The following DSC2 variants were observed in gnomAD, a reference collection of about 807,000 sequenced individuals.
DSC2 encodes the protein desmocollin-2.
A neutral mutation model predicts 87.6 loss-of-function variants in DSC2; 51 were observed. That is an observed-to-expected ratio of 0.58 (90% confidence interval 0.46 to 0.74). DSC2 has a LOEUF of 0.74. Among genes scored for constraint, DSC2 ranks in the 30% least tolerant of loss-of-function variants. The pLI is 0.00. For missense variants in DSC2, 1,066 were observed against 1,089.5 expected (o/e 0.98, Z 0.30); for synonymous variants, 383 against 393.2 (o/e 0.97, Z 0.31).
At chr18:31,091,003 A>G in intron 4 of DSC2, 25 bp downstream of exon 4, 1 of 1,613,930 alleles carries the variant, frequency 6.2e-7, no homozygotes, top group Non-Finnish European at 8.5e-7. Context: ...ATAGACTCCC[A>G]CAGCAGAAAG....
chr18:31,067,889 G>C lies in DSC2; in HGVS notation c.*126C>G. The C allele has an allele frequency of 1.2e-6, 1 of 859,646 alleles. No homozygotes were observed. The allele number at this position is 859,646 out of a possible 1,614,324, so 53.3% of individuals were successfully genotyped here. ...CTGTAAATGTGCATTTGACCAAAGAGATTCCATCCAAATAATGAGAGAAAA... is the reference window on the plus strand; with the variant it reads ...CTGTAAATGTGCATTTGACCAAAGACATTCCATCCAAATAATGAGAGAAAA... On this transcript the variant is annotated 3_prime_UTR_variant, in exon 16 of 16. Transcript: ENST00000280904.
rs1454539218 is a variant in DSC2, at chr18:31,086,686, T to C, written c.832A>G (p.Thr278Ala). The C allele has an allele frequency of 3.7e-6, 6 of 1,614,044 alleles. No homozygotes were observed. The African/African-American group carries it at 8.0e-5, about 22-fold the overall frequency. Reference sequence around the variant, plus strand: ...CCAATGATGGAGTACTTCAGGCGTGTGTGCATCGTGTCAGGCTCATCTTTG... The same window carrying C: ...CCAATGATGGAGTACTTCAGGCGTGCGTGCATCGTGTCAGGCTCATCTTTG... ...TDKDEPDTMH[T>A]RLKYSIIGQV... The change falls in exon 7 of 16, where the codon ACA (threonine) becomes GCA (alanine). Residue 278 changes from threonine (T) to alanine (A), a missense_variant. Physicochemically the swap from Thr to Ala is moderately conservative, Grantham distance 58. Coordinates refer to ENST00000280904, the MANE Select transcript of DSC2 (RefSeq NM_024422.6).
intron 15 of DSC2, 57 bp from the exon 16 acceptor site, chr18:31,068,269 A>G: frequency 6.2e-7 from 1 of 1,612,778 alleles, no homozygotes. Context: ...ACCAAAATTT[A>G]CTAACATAAA....
rs1157312147 is a variant in DSC2, at chr18:31,083,038, T to C, written c.965A>G (p.Lys322Arg). 7.4e-6 allele frequency: 12 copies of C among 1,612,532 alleles called. No homozygotes were observed. The highest frequency in any genetic ancestry group is 1.0e-5 in the Non-Finnish European group (12 of 1,179,574). Residue 322 changes from lysine (K) to arginine (R), a missense_variant, in exon 8 of 16, where the codon AAA (lysine) becomes AGA (arginine). By Grantham distance (26) the Lys-to-Arg change is conservative. Coordinates refer to ENST00000280904, the MANE Select transcript of DSC2 (RefSeq NM_024422.6). ...DRELIDKYQLKIKVQDMDGQY... is the reference protein window; with the variant it reads ...DRELIDKYQLRIKVQDMDGQY... ...ACCATCCATGTCTTGTACTTTTATT[T>C]TCAACTGGTACTTGTCAATTAACTG...
intron 7 of DSC2, 72 bp from the exon 8 acceptor site, chr18:31,083,132 C>T: frequency 1.3e-6 from 2 of 1,539,920 alleles, no homozygotes; most frequent in Non-Finnish European, 1.8e-6. Context: ...ACTTTACACT[C>T]CATAATTTTT....
At chr18:31,068,847 T>C (rs763686542) in intron 15 of DSC2, 47 bp downstream of exon 15, 4 of 1,608,780 alleles carry the variant, frequency 2.5e-6, no homozygotes, top group Non-Finnish European at 3.4e-6. Flanking sequence ...ATTTATAAAG[T>C]TTAAAGAAAA....
At position 31,065,464 on chromosome 18, in the gene DSC2, T is replaced by C. The variant is rs1427423423; in HGVS notation, c.*2551A>G. On this transcript the variant is annotated 3_prime_UTR_variant, in exon 16 of 16. Transcript: ENST00000280904. ...CCCTCCTCAGTACAGGTCCTATAAG[T>C]AAGGAAACTAAGCACAGAAAGCTTA... 6.6e-6 allele frequency: 1 copy of C among 152,184 alleles called. No individual in the cohort carries two copies. The highest frequency in any genetic ancestry group is 2.4e-5 in the African/African-American group (1 of 41,448). The allele number at this position is 152,184 out of a possible 1,614,324, so 9.4% of individuals were successfully genotyped here. A position where few individuals can be genotyped will look rare whatever the true frequency, so the allele number is the denominator to read the frequency against.
chr18:31,101,838 T>A, intron 1 of DSC2, 65 bp downstream of exon 1: 4 of 895,958 alleles, frequency 4.5e-6, no homozygotes, highest in Non-Finnish European at 5.9e-6. Context: ...CCCGTTCCCC[T>A]AGTTTTCCTC....
Position 31,102,054 on chromosome 18 carries a change from C to T in DSC2, c.-83G>A, listed in dbSNP as rs1598599304. The T allele has an allele frequency of 2.0e-5, 24 of 1,206,422 alleles. No individual in the cohort carries two copies. In the East Asian group the frequency reaches 7.5e-4, roughly 38 times the overall value. 74.7% of individuals were successfully genotyped at this position (1,206,422 alleles called of 1,614,324 possible). The stretch of plus-strand genomic sequence containing the variant: ...CGGGGCGAGGGCCGCGGCCGGAGCG[C>T]AGTCTGGGCCCGCTGCTCAGGAGGA... On this transcript the variant is annotated 5_prime_UTR_variant, in exon 1 of 16. Coordinates refer to ENST00000280904, the MANE Select transcript of DSC2 (RefSeq NM_024422.6).
At chr18:31,088,708 A>AG (rs1237563286) in intron 5 of DSC2, among the ~76,000 whole-genome samples, 1 of 152,206 alleles carries the variant, frequency 6.6e-6, no homozygotes, top group Non-Finnish European at 1.5e-5. Flanking sequence ...TAAAGGACTG[A>AG]GTAAGCTTAG....
At position 31,091,207 on chromosome 18, in the gene DSC2, A is replaced by G. The variant is rs1181878031; in HGVS notation, c.355-60T>C. On this transcript the variant is annotated intron_variant, in intron 3 of 15. Coordinates refer to ENST00000280904, the MANE Select transcript of DSC2 (RefSeq NM_024422.6). ...AATGACTACTTTATTCTCAAACATT[A>G]AACAATGACACATCTTTCTCCTCTC... is the stretch of plus-strand genomic sequence containing the variant. 5.0e-6 allele frequency: 8 copies of G among 1,596,918 alleles called. No homozygotes were observed. The African/African-American group carries it at 9.4e-5, about 19-fold the overall frequency.
rs1987244039 is a variant in DSC2 at position 31,082,242 on chromosome 18, A to G, written c.1259T>C (p.Val420Ala). 1.2e-6 allele frequency: 2 copies of G among 1,612,712 alleles called. No individual in the cohort carries two copies. The highest frequency in any genetic ancestry group is 4.5e-5 in the East Asian group (2 of 44,784). The change falls in exon 9 of 16, where the codon GTT becomes GCT. Residue 420 changes from valine (V) to alanine (A), a missense_variant. Physicochemically the swap from Val to Ala is moderately conservative, Grantham distance 64. Transcript: ENST00000280904. ...AKTNEGVLCV[V>A]KPLNYEEKQQ... ...AATGTTCTAATTTATTCTTACCTTA[A>G]CTACACAAAGAACTCCTTCATTGGT...
rs1199250198 is a variant in DSC2 at position 31,065,243 on chromosome 18, G to A, written c.*2772C>T. 6.6e-6 allele frequency: 1 copy of A among 152,198 alleles called. No homozygotes were observed. The highest frequency in any genetic ancestry group is 1.9e-4 in the East Asian group (1 of 5,198). 9.4% of individuals were successfully genotyped at this position (152,198 alleles called of 1,614,324 possible). ...GGTGAAATACTGGTCGGGCTTCTGG[G>A]AAAGGTGAATAAGAGCATCATGGCA... On this transcript the variant is annotated 3_prime_UTR_variant, in exon 16 of 16. Transcript: ENST00000280904.
At position 31,101,889 on chromosome 18, in the gene DSC2, G is replaced by A. The variant is rs1221204496; in HGVS notation, c.69+14C>T. 3.9e-6 allele frequency: 6 copies of A among 1,529,906 alleles called. No individual in the cohort carries two copies. The highest frequency in any genetic ancestry group is 5.2e-6 in the Non-Finnish European group (6 of 1,143,508). 94.8% of individuals were successfully genotyped at this position (1,529,906 alleles called of 1,614,324 possible). A position where few individuals can be genotyped will look rare whatever the true frequency, so the allele number is the denominator to read the frequency against. ...CGCCCCCTTCCCCGGAGCGGTGGCC[G>A]CGGCTACACTCACCGCGAGGGTCAG... On this transcript the variant is annotated intron_variant, in intron 1 of 15. Transcript: ENST00000280904.
intron 14 of DSC2, among the ~76,000 whole-genome samples, chr18:31,070,109 T>A (rs1377136654): frequency 6.6e-6 from 1 of 152,186 alleles, no homozygotes; most frequent in Non-Finnish European, 1.5e-5. Flanking sequence ...TTCATTACCT[T>A]CCTGGATACT....
chr18:31,069,039 T>C lies in DSC2; in HGVS notation c.2363A>G (p.Lys788Arg), dbSNP rs1430547540. 6.2e-7 allele frequency: 1 copy of C among 1,614,030 alleles called. No homozygotes were observed. The highest frequency in any genetic ancestry group is 8.5e-7 in the Non-Finnish European group (1 of 1,179,994). Residue 788 changes from lysine (K) to arginine (R), a missense_variant, in exon 15 of 16, where the codon AAA becomes AGA. By Grantham distance (26) the Lys-to-Arg change is conservative (BLOSUM62 2). Transcript: ENST00000280904. ...NGGQETIEMV[K>R]GGHQTSESCR... ...GGATTCCGAGGTCTGGTGTCCTCCT[T>C]TCACCATTTCGATGGTCTCCTGACC...
chr18:31,077,051 T>G (rs1174705809), intron 11 of DSC2, among the ~76,000 whole-genome samples: 1 of 152,048 alleles, frequency 6.6e-6, no homozygotes. Flanking sequence ...GAGTTTAAAA[T>G]TCACATTCCA....
At chr18:31,080,016 T>C in intron 10 of DSC2, 27 bp from the exon 11 acceptor site, 1 of 1,611,150 alleles carries the variant, frequency 6.2e-7, no homozygotes, top group Non-Finnish European at 8.5e-7. Flanking sequence ...ATTAAAATAA[T>C]AAAATTTATC....
chr18:31,093,653 G>GA lies in DSC2; in HGVS notation c.70-11dup, dbSNP rs572309510. The GA allele has an allele frequency of 5.9e-5, 90 of 1,536,666 alleles. No homozygotes were observed. Among genetic ancestry groups the GA allele is most frequent in the African/African-American group, 2.9e-4 (21 of 71,904 alleles). On this transcript the variant is annotated splice_polypyrimidine_tract_variant and intron_variant, in intron 1 of 15. Coordinates refer to ENST00000280904, the MANE Select transcript of DSC2 (RefSeq NM_024422.6). ...TGGCAAATATTAAGATCTAAAAAAT[G>GA]AAAAAAAATCAAATAAATATTATGC...
Sources: gnomAD v4.1 joint callset for allele counts (sites outside exome capture counted in the v4.1 genomes callset) on GRCh38, gnomAD v4.1.1 for gene constraint, MANE v1.5 for transcripts, NCBI Gene and HGNC (gene_info 2026-07-23, HGNC 2026-07-21) for gene names.